NUP43: variants seen among roughly 807,000 people sequenced by gnomAD.
NUP43 encodes nucleoporin Nup43.
A neutral mutation model predicts 47.3 loss-of-function variants in NUP43; 32 were observed. That is an observed-to-expected ratio of 0.68 (90% CI 0.51 to 0.91). The LOEUF (loss-of-function observed/expected upper bound fraction) is 0.91. NUP43 is among the 40% of genes least tolerant of loss of function. NUP43 has a pLI of 0.00. For missense variants in NUP43, 444 were observed against 453.9 expected (o/e 0.98, Z 0.20); for synonymous variants, 147 against 158.4 (o/e 0.93, Z 0.54).
intron 6 of NUP43, among the ~76,000 whole-genome samples, chr6:149,732,053 G>A (rs1015129203): frequency 7.9e-5 from 12 of 151,658 alleles, no homozygotes; most frequent in Admixed American, 6.6e-4. Flanking sequence ...GTGGTGGCGC[G>A]TGCTTGTAGT....
intron 7 of NUP43, chr6:149,729,665 A>G: frequency 3.8e-6 from 1 of 260,082 alleles, no homozygotes; most frequent in Non-Finnish European, 6.0e-6. Context: ...CTTCTAACAC[A>G]TGTGAGACCA....
rs534184323 is a variant in NUP43, at chr6:149,743,447, T to C, written c.321+191A>G. Among the ~76,000 whole-genome samples the C allele has an allele frequency of 1.6e-4, 24 of 152,000 alleles. 1 individual carries two copies. In the South Asian group the frequency reaches 4.8e-3, roughly 30 times the overall value. Reference sequence around the variant, plus strand: ...CCCGTCTCTACTAAAAATATAAAATTAGCCGGGCGTGGTGGCACGTGCCTG... The same window carrying C: ...CCCGTCTCTACTAAAAATATAAAATCAGCCGGGCGTGGTGGCACGTGCCTG... On this transcript the variant is annotated intron_variant, in intron 3 of 7. Transcript: ENST00000340413.
chr6:149,747,392 T>C (rs937461577), upstream of NUP43, among the ~76,000 whole-genome samples: 12 of 151,450 alleles, frequency 7.9e-5, no homozygotes, highest in African/African-American at 2.9e-4. Context: ...CAAGTGATTC[T>C]CCCACCTCAG....
In NUP43 at chr6:149,729,924, A is replaced by AATGCAAAAACAC. The variant is rs547502187; in HGVS notation, c.913+1677_913+1688dup. On this transcript the variant is annotated intron_variant, in intron 7 of 7. Coordinates refer to ENST00000340413, the MANE Select transcript of NUP43 (RefSeq NM_198887.3). ...ACCCTCAAAAACAGGAAACTTGGAA[A>AATGCAAAAACAC]ATGCAAAAACACATAAACCCCGATT... is the stretch of plus-strand genomic sequence containing the variant. 6.9e-3 allele frequency among the ~76,000 whole-genome samples: 1,046 copies of AATGCAAAAACAC among 152,252 alleles called. 5 individuals carry two copies. Among genetic ancestry groups the AATGCAAAAACAC allele is most frequent in the Non-Finnish European group, 0.012 (810 of 68,010 alleles).
rs753232088 is a variant in NUP43 at position 149,724,726 on chromosome 6, G to A, written c.*2243C>T. The stretch of plus-strand genomic sequence containing the variant: ...AGCCTCCCAAGTAGCTGGGATTATA[G>A]ATGCCTGCCACCACGCCCGGTTAAT... On this transcript the variant is annotated 3_prime_UTR_variant, in exon 8 of 8. Coordinates refer to ENST00000340413, the MANE Select transcript of NUP43 (RefSeq NM_198887.3). The A allele has an allele frequency of 6.6e-6, 1 of 152,132 alleles. No homozygotes were observed. The highest frequency in any genetic ancestry group is 1.5e-5 in the Non-Finnish European group (1 of 68,066). The allele number at this position is 152,132 out of a possible 1,614,324, so 9.4% of individuals were successfully genotyped here. A position where few individuals can be genotyped will look rare whatever the true frequency, so the allele number is the denominator to read the frequency against.
chr6:149,745,169 G>C (rs138106616), intron 2 of NUP43, among the ~76,000 whole-genome samples: 288 of 151,994 alleles, frequency 1.9e-3, no homozygotes, highest in African/African-American at 6.8e-3. Context: ...GGGAGGCCGA[G>C]GCAGGCAAAT....
At position 149,736,719 on chromosome 6, in the gene NUP43, G is replaced by C; in HGVS notation, c.639-97C>G. 3 of 1,072,344 alleles carry C rather than the reference G, an allele frequency of 2.8e-6. 1 individual carries two copies. The Admixed American group carries it at 6.1e-5, about 22-fold the overall frequency. The allele number at this position is 1,072,344 out of a possible 1,614,324, so 66.4% of individuals were successfully genotyped here. ...CGTTTTTTGTTTGTTTTGAGACAAGGCCTCACTTACCCAGGCTGGAATGCA... is the reference window on the plus strand; with the variant it reads ...CGTTTTTTGTTTGTTTTGAGACAAGCCCTCACTTACCCAGGCTGGAATGCA... On this transcript the variant is annotated intron_variant, in intron 5 of 7. Transcript: ENST00000340413.
chr6:149,737,964 T>C (rs1171680137), intron 5 of NUP43, among the ~76,000 whole-genome samples: 1 of 152,122 alleles, frequency 6.6e-6, no homozygotes. Context: ...GTGCTGGGAT[T>C]ACAAGCATGA....
chr6:149,743,062 G>A (rs1289893380), intron 3 of NUP43, among the ~76,000 whole-genome samples: 1 of 151,932 alleles, frequency 6.6e-6, no homozygotes, highest in Non-Finnish European at 1.5e-5. Flanking sequence ...TGTAATCCCA[G>A]CTACTTGAAA....
chr6:149,735,997 A>C lies in NUP43; in HGVS notation c.790+474T>G, dbSNP rs552514926. On this transcript the variant is annotated intron_variant, in intron 6 of 7. Coordinates refer to ENST00000340413, the MANE Select transcript of NUP43 (RefSeq NM_198887.3). ...CTTTAAAAAAAAAAAAAAAAAAAAA[A>C]CCAGGCACGGCGGCTCATGCCTGTA... 6.1e-3 allele frequency among the ~76,000 whole-genome samples: 811 copies of C among 132,134 alleles called. 7 individuals carry two copies. Among genetic ancestry groups the C allele is most frequent in the Middle Eastern group, 0.025 (6 of 244 alleles). 86.7% of individuals were successfully genotyped at this position (132,134 alleles called of 152,430 possible). A position where few individuals can be genotyped will look rare whatever the true frequency, so the allele number is the denominator to read the frequency against.
At chr6:149,738,880 C>A in intron 4 of NUP43, 102 bp from the exon 5 acceptor site, 1 of 602,314 alleles carries the variant, frequency 1.7e-6, no homozygotes, top group South Asian at 5.3e-5. Flanking sequence ...TTACAATTTC[C>A]AGTAACTTAT....
At chr6:149,733,157 G>C (rs190528113) in intron 6 of NUP43, among the ~76,000 whole-genome samples, 2 of 151,938 alleles carry the variant, frequency 1.3e-5, no homozygotes, top group Non-Finnish European at 2.9e-5. Flanking sequence ...AACTGAGAAA[G>C]ATCCTAATGA....
intron 3 of NUP43, 96 bp downstream of exon 3, chr6:149,743,542 C>T: frequency 2.8e-6 from 2 of 705,614 alleles, no homozygotes; most frequent in Admixed American, 2.6e-5. Flanking sequence ...CTGCGGTGAG[C>T]CGAGACTGCG....
chr6:149,741,672 ATTTTT>A (rs1242081146), intron 4 of NUP43, among the ~76,000 whole-genome samples: 1 of 151,050 alleles, frequency 6.6e-6, no homozygotes, highest in Non-Finnish European at 1.5e-5. Flanking sequence ...CACCCAGCTT[ATTTTT>A]GTTATTTTCA....
intron 6 of NUP43, among the ~76,000 whole-genome samples, chr6:149,736,235 C>T (rs539434329): frequency 9.0e-4 from 137 of 151,688 alleles, no homozygotes; most frequent in African/African-American, 3.2e-3. Flanking sequence ...CAAGATAGCG[C>T]CATTGCACTC....
chr6:149,728,477 T>C, intron 7 of NUP43: 1 of 984,818 alleles, frequency 1.0e-6, no homozygotes, highest in Non-Finnish European at 1.2e-6. Context: ...TCCAGAATTT[T>C]TCTGAAGAAG....
chr6:149,741,253 C>A (rs1026757254), intron 4 of NUP43, among the ~76,000 whole-genome samples: 2 of 152,114 alleles, frequency 1.3e-5, no homozygotes, highest in African/African-American at 4.8e-5. Context: ...CTCACTGCAG[C>A]CTCTCAGTCT....
chr6:149,738,642 C>A lies in NUP43; in HGVS notation c.638+1G>T. On this transcript the variant is annotated splice_donor_variant, in intron 5 of 7. Coordinates refer to ENST00000340413, the MANE Select transcript of NUP43 (RefSeq NM_198887.3). LOFTEE classifies it high-confidence loss of function. ...TACTGAAATTACAAATCAACACTTA[C>A]AGTGACAATATCTGAGAAGGCTCAT... 6.4e-7 allele frequency: 1 copy of A among 1,557,540 alleles called. No individual in the cohort carries two copies.
chr6:149,736,145 T>C (rs1785337085), intron 6 of NUP43, among the ~76,000 whole-genome samples: 1 of 151,144 alleles, frequency 6.6e-6, no homozygotes, highest in Admixed American at 6.6e-5. Flanking sequence ...GGTGTGGTGG[T>C]GCATGCCTGT....
Sources: gnomAD v4.1 joint callset for allele counts (sites outside exome capture counted in the v4.1 genomes callset) on GRCh38, gnomAD v4.1.1 for gene constraint, MANE v1.5 for transcripts, NCBI Gene and HGNC (gene_info 2026-07-23, HGNC 2026-07-21) for gene names.